The following AK5 variants were observed in gnomAD, a reference collection of about 807,000 sequenced individuals.
AK5 encodes the protein adenylate kinase 5.
Under a neutral mutation model 69.5 loss-of-function variants are expected in AK5, and 27 were observed. The observed-to-expected ratio is 0.39, with a 90% CI of 0.29 to 0.54. AK5 has a LOEUF of 0.54. Ranked by LOEUF, AK5 falls within the 20% of genes least tolerant of loss-of-function variation. The pLI, the probability that AK5 is intolerant of heterozygous loss-of-function variation, is 0.71. For missense variants in AK5, 531 were observed against 700.4 expected (o/e 0.76, Z 2.73); for synonymous variants, 260 against 244.4 (o/e 1.06, Z -0.60).
intron 6 of AK5, among the ~76,000 whole-genome samples, chr1:77,405,628 C>T (rs1045942307): frequency 6.6e-6 from 1 of 152,196 alleles, no homozygotes; most frequent in Non-Finnish European, 1.5e-5. Flanking sequence ...CTGTGCTGCT[C>T]CCTGAGCCCT....
chr1:77,548,365 A>G (rs1659647247), intron 13 of AK5, among the ~76,000 whole-genome samples: 1 of 152,116 alleles, frequency 6.6e-6, no homozygotes, highest in African/African-American at 2.4e-5. Flanking sequence ...CCAACTTTTG[A>G]AAACTGCATT....
At chr1:77,440,451 G>A (rs565669925) in intron 8 of AK5, among the ~76,000 whole-genome samples, 1 of 152,264 alleles carries the variant, frequency 6.6e-6, no homozygotes, top group South Asian at 2.1e-4. Flanking sequence ...GTACTTTGGA[G>A]AGGACTTTTT....
In AK5 at chr1:77,419,284, G is replaced by T. The variant is rs116774712; in HGVS notation, c.1059+1569G>T. Among the ~76,000 whole-genome samples, 1,190 of 152,170 alleles carry T rather than the reference G, an allele frequency of 7.8e-3. 4 individuals are homozygous for T. Among genetic ancestry groups the T allele is most frequent in the Non-Finnish European group, 0.011 (773 of 68,008 alleles). On this transcript the variant is annotated intron_variant, in intron 8 of 13. Transcript: ENST00000354567. ...TCAGTTGCTGACCCATAAGACTCCA[G>T]CAGAGGCTAATGCAAAACAACCACT...
chr1:77,358,841 G>A (rs1210951633), intron 6 of AK5, among the ~76,000 whole-genome samples: 1 of 149,820 alleles, frequency 6.7e-6, no homozygotes, highest in Non-Finnish European at 1.5e-5. Context: ...GAAAGAAAAA[G>A]CCTATTTTTG....
intron 8 of AK5, among the ~76,000 whole-genome samples, chr1:77,461,962 G>A (rs564788959): frequency 2.8e-4 from 43 of 152,264 alleles, no homozygotes; most frequent in Middle Eastern, 3.4e-3. Flanking sequence ...ACTGCAAAAC[G>A]TGTGTGATGA....
chr1:77,361,733 C>A (rs1646868765), intron 6 of AK5, among the ~76,000 whole-genome samples: 1 of 152,136 alleles, frequency 6.6e-6, no homozygotes, highest in Non-Finnish European at 1.5e-5. Context: ...TGGATGACAG[C>A]AAGCAAAGAG....
chr1:77,471,761 A>G (rs1001139282), intron 8 of AK5, among the ~76,000 whole-genome samples: 5 of 152,234 alleles, frequency 3.3e-5, no homozygotes, highest in Non-Finnish European at 2.9e-5. Flanking sequence ...TAAAGTCATC[A>G]TAATTAATAA....
intron 11 of AK5, 22 bp from the exon 12 acceptor site, chr1:77,521,805 G>A: frequency 6.3e-7 from 1 of 1,590,518 alleles, no homozygotes; most frequent in Non-Finnish European, 8.6e-7. Flanking sequence ...CTCAGGTCCT[G>A]ACCACTCTCG....
intron 6 of AK5, 146 bp downstream of exon 6, chr1:77,340,714 G>T: frequency 3.8e-6 from 2 of 531,096 alleles, no homozygotes; most frequent in African/African-American, 1.9e-5. Flanking sequence ...GTATCATTTT[G>T]ACCTGATTTG....
chr1:77,396,675 A>G (rs1455898229), intron 6 of AK5, among the ~76,000 whole-genome samples: 3 of 152,248 alleles, frequency 2.0e-5, no homozygotes, highest in Non-Finnish European at 2.9e-5. Flanking sequence ...TGAATGTGGG[A>G]TAACTAGGAA....
At chr1:77,492,308 CTG>C (rs750480963) in intron 10 of AK5, among the ~76,000 whole-genome samples, 1 of 152,200 alleles carries the variant, frequency 6.6e-6, no homozygotes, top group South Asian at 2.1e-4. Context: ...CTGTTTTTTA[CTG>C]TGAGTACATG....
At chr1:77,544,099 G>A (rs1659418942) in intron 13 of AK5, among the ~76,000 whole-genome samples, 1 of 152,152 alleles carries the variant, frequency 6.6e-6, no homozygotes, top group Non-Finnish European at 1.5e-5. Flanking sequence ...TGAATACTGT[G>A]GGAATTGTAA....
At chr1:77,371,371 G>C (rs945339721) in intron 6 of AK5, 2 of 152,216 alleles carry the variant, frequency 1.3e-5, no homozygotes, top group African/African-American at 4.8e-5. Flanking sequence ...AATTTTCCCT[G>C]AAGCCAGGAG....
chr1:77,367,881 TAAA>T (rs869043456), intron 6 of AK5, among the ~76,000 whole-genome samples: 1 of 25,564 alleles, frequency 3.9e-5, no homozygotes, highest in African/African-American at 1.5e-4. Context: ...ATATATAATA[TAAA>T]ATATATGTGA....
At chr1:77,417,066 G>C (rs1281325249) in intron 7 of AK5, among the ~76,000 whole-genome samples, 1 of 152,140 alleles carries the variant, frequency 6.6e-6, no homozygotes, top group African/African-American at 2.4e-5. Flanking sequence ...CATACATTAA[G>C]TTAACCCGAT....
chr1:77,521,755 T>C, intron 11 of AK5, 72 bp from the exon 12 acceptor site: 2 of 1,140,764 alleles, frequency 1.8e-6, no homozygotes, highest in Non-Finnish European at 2.6e-6. Flanking sequence ...AGTGGATGAC[T>C]GAAGGAGACT....
intron 1 of AK5, among the ~76,000 whole-genome samples, chr1:77,285,257 C>T (rs2602945): frequency 0.15 from 23,281 of 152,080 alleles, 2,112 homozygotes; most frequent in Non-Finnish European, 0.2. Flanking sequence ...ACTGGCTTGG[C>T]GTATGGGAAG....
Position 77,386,161 on chromosome 1 carries a change from TA to T in AK5, c.892-24819del, listed in dbSNP as rs1300843774. ...AGAGTAATTTTTAATAAATCAATAT[TA>T]GTTTTCTTTGAGCCCTTAGTAAATC... On this transcript the variant is annotated intron_variant, in intron 6 of 13. Transcript: ENST00000354567. Among the ~76,000 whole-genome samples, 3 of 152,210 alleles carry T rather than the reference TA, an allele frequency of 2.0e-5. No individual in the cohort carries two copies. The East Asian group carries it at 5.8e-4, about 29-fold the overall frequency.
chr1:77,545,609 A>T (rs1350891339), intron 13 of AK5, among the ~76,000 whole-genome samples: 4 of 152,104 alleles, frequency 2.6e-5, no homozygotes, highest in African/African-American at 9.7e-5. Flanking sequence ...GATTTTTTTT[A>T]ACTCATTCAT....
Sources: gnomAD v4.1 joint callset for allele counts (sites outside exome capture counted in the v4.1 genomes callset) on GRCh38, gnomAD v4.1.1 for gene constraint, MANE v1.5 for transcripts, NCBI Gene and HGNC (gene_info 2026-07-23, HGNC 2026-07-21) for gene names.